The following IL15 variants were observed in gnomAD, a reference collection of about 807,000 sequenced individuals.
The protein encoded by IL15 is interleukin-15.
Under a neutral mutation model 19.6 loss-of-function variants are expected in IL15, and 11 were observed. That is an observed-to-expected ratio of 0.56 (90% CI 0.35 to 0.93). The LOEUF (loss-of-function observed/expected upper bound fraction) is 0.93. IL15 is among the 40% of genes least tolerant of loss of function. IL15 has a pLI of 0.01. For synonymous variants in IL15, 58 were observed against 59.6 expected (o/e 0.97, Z 0.12); for missense variants, 197 against 186.5 (o/e 1.06, Z -0.33).
In IL15 at chr4:141,695,141, A is replaced by G. The variant is rs151030173; in HGVS notation, c.-99-24225A>G. Among the ~76,000 whole-genome samples, 535 of 152,110 alleles carry G rather than the reference A, an allele frequency of 3.5e-3. 4 individuals are homozygous for G. The highest frequency in any genetic ancestry group is 0.012 in the African/African-American group (515 of 41,482). ...CAACATGCTTTAAATGGGTTTCCCA[A>G]TTAAGTCCCAGGTTCTTACCTGATG... On this transcript the variant is annotated intron_variant, in intron 2 of 7. Coordinates refer to ENST00000320650, the MANE Select transcript of IL15 (RefSeq NM_000585.5).
intron 1 of IL15, among the ~76,000 whole-genome samples, chr4:141,654,701 T>C (rs1204774362): frequency 7.9e-5 from 12 of 152,210 alleles, no homozygotes; most frequent in Admixed American, 7.9e-4. Flanking sequence ...TGTGCAGTTA[T>C]GGAAAAAAAG....
At chr4:141,675,244 T>TTTTTCA (rs1728304032) in intron 2 of IL15, among the ~76,000 whole-genome samples, 1 of 152,278 alleles carries the variant, frequency 6.6e-6, no homozygotes, top group Admixed American at 6.5e-5. Flanking sequence ...ACTAGTCTCT[T>TTTTTCA]TTATCATTAA....
intron 2 of IL15, among the ~76,000 whole-genome samples, chr4:141,697,422 G>A (rs1239572955): frequency 6.6e-6 from 1 of 151,772 alleles, no homozygotes; most frequent in African/African-American, 2.4e-5. Flanking sequence ...TCCTCGAAGT[G>A]TGATTTGAAG....
intron 2 of IL15, among the ~76,000 whole-genome samples, chr4:141,683,290 G>T (rs1383598002): frequency 2.6e-5 from 4 of 151,236 alleles, no homozygotes; most frequent in African/African-American, 9.7e-5. Flanking sequence ...AAAACAATAG[G>T]CTGGGCGCGG....
intron 2 of IL15, among the ~76,000 whole-genome samples, chr4:141,684,984 A>G (rs1388436938): frequency 2.0e-5 from 3 of 151,868 alleles, no homozygotes; most frequent in African/African-American, 4.8e-5. Context: ...CAAAGAGGTC[A>G]TGAAATAGTG....
chr4:141,651,473 A>G (rs995142521), intron 1 of IL15, among the ~76,000 whole-genome samples: 2 of 152,034 alleles, frequency 1.3e-5, no homozygotes, highest in Non-Finnish European at 2.9e-5. Flanking sequence ...AGATTACTTA[A>G]TTGTACAATG....
chr4:141,649,998 C>A (rs1317311649), intron 1 of IL15, among the ~76,000 whole-genome samples: 1 of 152,084 alleles, frequency 6.6e-6, no homozygotes, highest in Non-Finnish European at 1.5e-5. Flanking sequence ...GTTGGCACAA[C>A]TATTCAGTAA....
At chr4:141,731,833 C>G (rs1730462406) in intron 7 of IL15, among the ~76,000 whole-genome samples, 1 of 152,092 alleles carries the variant, frequency 6.6e-6, no homozygotes, top group Non-Finnish European at 1.5e-5. Context: ...TTTTTGCTGG[C>G]ACAGCCTTCA....
At chr4:141,691,755 A>C (rs1050935956) in intron 2 of IL15, among the ~76,000 whole-genome samples, 2 of 152,204 alleles carry the variant, frequency 1.3e-5, no homozygotes, top group African/African-American at 4.8e-5. Context: ...GGTCTGCAGC[A>C]TACAGTCCCT....
In IL15 at chr4:141,732,718, T is replaced by C. The variant is rs1249934660; in HGVS notation, c.379-20T>C. 6.3e-7 allele frequency: 1 copy of C among 1,599,532 alleles called. No individual in the cohort carries two copies. Among genetic ancestry groups the C allele is most frequent in the South Asian group, 1.2e-5 (1 of 86,636 alleles). ...ATTTAATTATAAATTGCCAATTTAA[T>C]CTCTCTCTATATTTTGCAGAATGTA... On this transcript the variant is annotated intron_variant, in intron 7 of 7. Transcript: ENST00000320650.
At chr4:141,730,403 A>G (rs1344652715) in intron 7 of IL15, among the ~76,000 whole-genome samples, 1 of 152,156 alleles carries the variant, frequency 6.6e-6, no homozygotes, top group Non-Finnish European at 1.5e-5. Context: ...TTGATAATTC[A>G]TTTAATCCTC....
intron 5 of IL15, among the ~76,000 whole-genome samples, chr4:141,722,709 C>G (rs1423159266): frequency 6.6e-6 from 1 of 152,034 alleles, no homozygotes; most frequent in Non-Finnish European, 1.5e-5. Flanking sequence ...TGAAGTGGAT[C>G]AGATGTTGGA....
Position 141,666,139 on chromosome 4 carries a change from C to A in IL15, c.-100+9832C>A, listed in dbSNP as rs192518316. On this transcript the variant is annotated intron_variant, in intron 2 of 7. Coordinates refer to ENST00000320650, the MANE Select transcript of IL15 (RefSeq NM_000585.5). ...TTTTTGAGACGGAGTCTCGCTCTGT[C>A]GCCCAGGCTGGAGTGCAGTGGCACG... Among the ~76,000 whole-genome samples, 579 of 148,020 alleles carry A rather than the reference C, an allele frequency of 3.9e-3. 6 individuals carry two copies. The highest frequency in any genetic ancestry group is 0.014 in the African/African-American group (560 of 40,204).
intron 2 of IL15, among the ~76,000 whole-genome samples, chr4:141,689,809 C>G (rs577286124): frequency 2.0e-5 from 3 of 152,092 alleles, no homozygotes; most frequent in Admixed American, 6.5e-5. Context: ...GTGGATCCCA[C>G]ACTGGGGCTG....
At chr4:141,684,790 T>A (rs574829833) in intron 2 of IL15, among the ~76,000 whole-genome samples, 2 of 152,320 alleles carry the variant, frequency 1.3e-5, no homozygotes, top group South Asian at 4.1e-4. Context: ...TTATTCACAA[T>A]AACTCAACAA....
intron 2 of IL15, among the ~76,000 whole-genome samples, chr4:141,686,382 G>T (rs1350669045): frequency 2.0e-5 from 3 of 151,938 alleles, no homozygotes; most frequent in Non-Finnish European, 4.4e-5. Context: ...TAAATGAAAG[G>T]CTGCATATCA....
At chr4:141,663,669 C>T (rs751298360) in intron 2 of IL15, among the ~76,000 whole-genome samples, 4 of 152,136 alleles carry the variant, frequency 2.6e-5, no homozygotes, top group Admixed American at 1.3e-4. Context: ...TGGGATATGG[C>T]CCATCTGGAA....
At chr4:141,685,596 C>A (rs1037037154) in intron 2 of IL15, among the ~76,000 whole-genome samples, 1 of 152,144 alleles carries the variant, frequency 6.6e-6, no homozygotes, top group Non-Finnish European at 1.5e-5. Flanking sequence ...TTTCTTGATT[C>A]AATCACCAAG....
intron 2 of IL15, among the ~76,000 whole-genome samples, chr4:141,691,467 G>A (rs1315787808): frequency 6.6e-6 from 1 of 152,110 alleles, no homozygotes; most frequent in African/African-American, 2.4e-5. Flanking sequence ...TCTCATCTGA[G>A]ACAAGATAAG....
Sources: gnomAD v4.1 joint callset for allele counts (sites outside exome capture counted in the v4.1 genomes callset) on GRCh38, gnomAD v4.1.1 for gene constraint, MANE v1.5 for transcripts, NCBI Gene and HGNC (gene_info 2026-07-23, HGNC 2026-07-21) for gene names.